The following DPY19L3 variants were observed in gnomAD, a reference collection of about 807,000 sequenced individuals.
DPY19L3 encodes the protein protein C-mannosyl-transferase DPY19L3.
A neutral mutation model predicts 92.3 loss-of-function variants in DPY19L3; 51 were observed. The ratio of observed to expected loss-of-function variants is 0.55; its 90% CI spans 0.44 to 0.70. The LOEUF is 0.70. Among genes scored for constraint, DPY19L3 ranks in the 30% least tolerant of loss-of-function variants. The probability of loss-of-function intolerance (pLI) is 0.00; values close to 1 mark genes in which losing one functional copy is unlikely to be tolerated. For synonymous variants in DPY19L3, 309 were observed against 315.2 expected (o/e 0.98, Z 0.21); for missense variants, 706 against 855.9 (o/e 0.82, Z 2.18).
chr19:32,461,300 G>C (rs1007998190), intron 12 of DPY19L3, among the ~76,000 whole-genome samples: 2 of 152,176 alleles, frequency 1.3e-5, no homozygotes, highest in African/African-American at 4.8e-5. Context: ...CAGATACTAT[G>C]ACTTTTATGT....
In DPY19L3 at chr19:32,480,385, A is replaced by C; in HGVS notation, c.1831-14A>C. On this transcript the variant is annotated splice_polypyrimidine_tract_variant and intron_variant, in intron 17 of 18. Transcript: ENST00000392250. The stretch of plus-strand genomic sequence containing the variant: ...GTAGCATTTGCCACATTGCATTTTT[A>C]TGTCTTTTTGAAGGTTTATCAGATA... The C allele has an allele frequency of 1.3e-6, 2 of 1,599,966 alleles. No individual in the cohort carries two copies. Among genetic ancestry groups the C allele is most frequent in the Non-Finnish European group, 1.7e-6 (2 of 1,174,398 alleles).
intron 15 of DPY19L3, among the ~76,000 whole-genome samples, chr19:32,466,147 T>C (rs1970193214): frequency 6.6e-6 from 1 of 152,218 alleles, no homozygotes; most frequent in Admixed American, 6.5e-5. Context: ...TTTTTTAAGC[T>C]ATTTGAGGAC....
chr19:32,439,221 C>T lies in DPY19L3; in HGVS notation c.706C>T (p.Gln236Ter). 1.9e-6 allele frequency: 3 copies of T among 1,612,510 alleles called. No individual in the cohort carries two copies. The highest frequency in any genetic ancestry group is 1.1e-5 in the South Asian group (1 of 90,794). The change falls in exon 7 of 19, where the codon CAG becomes TAG. Residue 236 changes from glutamine to a stop codon, truncating the protein, a stop_gained. Coordinates refer to ENST00000392250, the MANE Select transcript of DPY19L3 (RefSeq NM_001172774.2). LOFTEE classifies it high-confidence loss of function. ...TACATATTTCCTGAGACCAAACTTACAGCCTCTTTCTGAAGTAAGTGTTTA... is the reference window on the plus strand; with the variant it reads ...TACATATTTCCTGAGACCAAACTTATAGCCTCTTTCTGAAGTAAGTGTTTA... ...AITYFLRPNL[Q>*]PLSERLTLLA...
intron 3 of DPY19L3, among the ~76,000 whole-genome samples, chr19:32,415,121 G>A (rs1483159253): frequency 6.6e-6 from 1 of 152,180 alleles, no homozygotes; most frequent in African/African-American, 2.4e-5. Context: ...GTAAGATAAG[G>A]CCATGCCCCC....
intron 12 of DPY19L3, among the ~76,000 whole-genome samples, chr19:32,461,141 C>G (rs1177641063): frequency 6.6e-6 from 1 of 152,238 alleles, no homozygotes; most frequent in Non-Finnish European, 1.5e-5. Flanking sequence ...GTTGGGATGA[C>G]AGGCATGAGC....
intron 8 of DPY19L3, among the ~76,000 whole-genome samples, chr19:32,440,268 C>T (rs550673936): frequency 1.6e-3 from 240 of 152,196 alleles, no homozygotes; most frequent in Middle Eastern, 3.4e-3. Flanking sequence ...TATATAACAG[C>T]TTTTTTGTAG....
At chr19:32,480,084 C>G (rs1191239290) in intron 17 of DPY19L3, among the ~76,000 whole-genome samples, 2 of 152,178 alleles carry the variant, frequency 1.3e-5, no homozygotes, top group Admixed American at 1.3e-4. Flanking sequence ...TCAGCCCTGT[C>G]ATTTACCTTG....
At position 32,480,489 on chromosome 19, in the gene DPY19L3, A is replaced by C; in HGVS notation, c.1921A>C (p.Ile641Leu). ...TGACTACGTAATCCTGGAAGACAGC[A>C]TCTGCTACGAGCGGAGGCACCGCCG... Reference protein sequence around the residue: ...GTDYVILEDSICYERRHRRGC... With the variant: ...GTDYVILEDSLCYERRHRRGC... Residue 641 changes from isoleucine (I) to leucine (L), a missense_variant, in exon 18 of 19, where the codon ATC becomes CTC. By Grantham distance (5) the Ile-to-Leu change is conservative (BLOSUM62 2). Coordinates refer to ENST00000392250, the MANE Select transcript of DPY19L3 (RefSeq NM_001172774.2). 1.2e-6 allele frequency: 2 copies of C among 1,614,202 alleles called. No individual in the cohort carries two copies. The highest frequency in any genetic ancestry group is 1.7e-6 in the Non-Finnish European group (2 of 1,180,030).
chr19:32,483,446 C>T lies in DPY19L3; in HGVS notation c.*1206C>T, dbSNP rs1182982190. 1 of 152,564 alleles carries T rather than the reference C, an allele frequency of 6.6e-6. No individual in the cohort carries two copies. Among genetic ancestry groups the T allele is most frequent in the Non-Finnish European group, 1.5e-5 (1 of 68,026 alleles). The allele number at this position is 152,564 out of a possible 1,614,324, so 9.5% of individuals were successfully genotyped here. On this transcript the variant is annotated 3_prime_UTR_variant, in exon 19 of 19. Coordinates refer to ENST00000392250, the MANE Select transcript of DPY19L3 (RefSeq NM_001172774.2). ...GACATGTAAAAGTTGCCAGTAAGAA[C>T]ATAGTATGCATTTAATTAAATCAAG...
At position 32,439,096 on chromosome 19, in the gene DPY19L3, GTTTTC is replaced by G. The variant is rs761981059; in HGVS notation, c.597-11_597-7del. 9 of 1,588,402 alleles carry G rather than the reference GTTTTC, an allele frequency of 5.7e-6. No homozygotes were observed. Among genetic ancestry groups the G allele is most frequent in the Admixed American group, 1.8e-5 (1 of 54,840 alleles). On this transcript the variant is annotated splice_polypyrimidine_tract_variant and intron_variant, in intron 6 of 18. Transcript: ENST00000392250. ...AAAAACTATCACTTTGGCCATTTGT[GTTTTC>G]TTTTGTGCAGAATAGATACCACAAG...
chr19:32,434,195 G>C (rs1008161985), intron 4 of DPY19L3, among the ~76,000 whole-genome samples: 1 of 151,958 alleles, frequency 6.6e-6, no homozygotes, highest in South Asian at 2.1e-4. Flanking sequence ...TCATGGACAC[G>C]TCCAGAGCAA....
chr19:32,440,102 C>T (rs1969276236), intron 8 of DPY19L3, among the ~76,000 whole-genome samples, 192 bp downstream of exon 8: 1 of 152,118 alleles, frequency 6.6e-6, no homozygotes, highest in Admixed American at 6.5e-5. Flanking sequence ...CTTTTATTCG[C>T]TTATTTTAAG....
intron 8 of DPY19L3, among the ~76,000 whole-genome samples, chr19:32,448,685 A>G (rs1969598096): frequency 6.6e-6 from 1 of 152,194 alleles, no homozygotes; most frequent in Admixed American, 6.5e-5. Flanking sequence ...TAGGCCAAGG[A>G]CGAGGTACAG....
At chr19:32,481,094 T>C in intron 18 of DPY19L3, 1 of 251,488 alleles carries the variant, frequency 4.0e-6, no homozygotes. Context: ...GCAAGCCGCT[T>C]CTCCCTTCTC....
intron 15 of DPY19L3, among the ~76,000 whole-genome samples, chr19:32,467,024 A>G (rs1044833331): frequency 2.6e-5 from 4 of 152,234 alleles, no homozygotes; most frequent in Admixed American, 1.3e-4. Context: ...TCTTGTTCAT[A>G]CTACCAATTT....
intron 16 of DPY19L3, among the ~76,000 whole-genome samples, chr19:32,476,503 C>T (rs17754061): frequency 0.026 from 3,737 of 142,210 alleles, 64 homozygotes; most frequent in Middle Eastern, 0.074. Flanking sequence ...ACTCCTTGAC[C>T]GCTTACAAGT....
chr19:32,412,645 CA>C (rs1296323354), intron 3 of DPY19L3: 4 of 152,110 alleles, frequency 2.6e-5, no homozygotes, highest in African/African-American at 9.7e-5. Flanking sequence ...ATCAGATTTT[CA>C]GGAGGGTTAG....
chr19:32,424,337 T>G (rs578096031), intron 3 of DPY19L3, among the ~76,000 whole-genome samples: 130 of 146,058 alleles, frequency 8.9e-4, no homozygotes, highest in Middle Eastern at 3.5e-3. Flanking sequence ...AAAAAAGAAA[T>G]AAATAAAAAA....
At chr19:32,453,461 A>G in intron 9 of DPY19L3, among the ~76,000 whole-genome samples, 185 bp downstream of exon 9, 1 of 152,214 alleles carries the variant, frequency 6.6e-6, no homozygotes, top group East Asian at 1.9e-4. Flanking sequence ...TTTCTGGGTC[A>G]TCCTTTTATT....
Sources: allele counts gnomAD v4.1 joint callset (sites outside exome capture counted in the v4.1 genomes callset), GRCh38; gene constraint gnomAD v4.1.1; transcripts MANE v1.5; gene names NCBI Gene and HGNC (gene_info 2026-07-23, HGNC 2026-07-21).